CORO2B: variants seen among roughly 807,000 people sequenced by gnomAD.
CORO2B encodes coronin 2B, also known as coronin-2B.
A neutral mutation model predicts 58.8 loss-of-function variants in CORO2B; 26 were observed. The observed-to-expected ratio is 0.44, with a 90% CI of 0.32 to 0.61. The LOEUF (loss-of-function observed/expected upper bound fraction) is 0.61. Among genes scored for constraint, CORO2B ranks in the 20% least tolerant of loss-of-function variants. The probability of loss-of-function intolerance (pLI) is 0.04; values close to 1 mark genes in which losing one functional copy is unlikely to be tolerated. For synonymous variants in CORO2B, 242 were observed against 253.8 expected, an observed-to-expected ratio of 0.95 and a Z score of 0.44; for missense variants, 460 against 645.1, an observed-to-expected ratio of 0.71 and a Z score of 3.11.
intron 3 of CORO2B, among the ~76,000 whole-genome samples, chr15:68,708,132 C>G (rs1892824969): frequency 6.6e-6 from 1 of 152,104 alleles, no homozygotes; most frequent in South Asian, 2.1e-4. Flanking sequence ...AAGGGTGACC[C>G]CAAACCCTTG....
intron 1 of CORO2B, among the ~76,000 whole-genome samples, chr15:68,600,562 AC>A (rs1231809328): frequency 1.3e-5 from 2 of 151,826 alleles, no homozygotes. Context: ...ACTCCGTCCC[AC>A]CCCCGGACCC....
At chr15:68,640,473 G>C (rs1430521969) in intron 1 of CORO2B, among the ~76,000 whole-genome samples, 1 of 151,032 alleles carries the variant, frequency 6.6e-6, no homozygotes, top group Non-Finnish European at 1.5e-5. Flanking sequence ...TAAGATGACT[G>C]ACAACTGACC....
chr15:68,717,015 C>T (rs1893047165), intron 8 of CORO2B, among the ~76,000 whole-genome samples: 2 of 152,102 alleles, frequency 1.3e-5, no homozygotes, highest in African/African-American at 4.8e-5. Flanking sequence ...GTTAAGATTG[C>T]TCTGGCAGCC....
intron 2 of CORO2B, among the ~76,000 whole-genome samples, chr15:68,684,199 C>T (rs1902884497): frequency 6.6e-6 from 1 of 152,120 alleles, no homozygotes; most frequent in African/African-American, 2.4e-5. Flanking sequence ...TAGAAGTCTG[C>T]CTGAGAGTCT....
At chr15:68,724,040 A>G (rs973084856) in intron 11 of CORO2B, among the ~76,000 whole-genome samples, 8 of 151,990 alleles carry the variant, frequency 5.3e-5, no homozygotes, top group Admixed American at 3.3e-4. Flanking sequence ...CGTCTCTACT[A>G]AAAATACAAA....
At chr15:68,615,275 T>A (rs1320765154) in intron 1 of CORO2B, among the ~76,000 whole-genome samples, 2 of 152,182 alleles carry the variant, frequency 1.3e-5, no homozygotes, top group Non-Finnish European at 2.9e-5. Context: ...GAGACAGGAC[T>A]AATGTCATCC....
At chr15:68,719,083 A>G in intron 9 of CORO2B, 61 bp from the exon 10 acceptor site, 1 of 1,313,262 alleles carries the variant, frequency 7.6e-7, no homozygotes, top group Non-Finnish European at 1.1e-6. Context: ...AGTCTGACTG[A>G]AGAGTAGGGG....
At chr15:68,685,306 G>A (rs571610160) in intron 2 of CORO2B, among the ~76,000 whole-genome samples, 3 of 152,258 alleles carry the variant, frequency 2.0e-5, no homozygotes, top group East Asian at 1.9e-4. Context: ...CTCCTCCTGG[G>A]TTCAAGCCAT....
At chr15:68,714,111 G>A in intron 6 of CORO2B, 70 bp downstream of exon 6, 1 of 994,896 alleles carries the variant, frequency 1.0e-6, no homozygotes, top group South Asian at 1.4e-5. Flanking sequence ...CACTTCCTCA[G>A]AAAGTCAGGA....
the CORO2B span, among the ~76,000 whole-genome samples, chr15:68,545,610 G>C: frequency 5.7e-4 from 63 of 110,152 alleles, 1 homozygote; most frequent in African/African-American, 1.7e-3. Flanking sequence ...GAATGCGGGG[G>C]GCGGGGGGGG....
At chr15:68,590,572 G>A (rs1899679206) in intron 1 of CORO2B, among the ~76,000 whole-genome samples, 1 of 152,140 alleles carries the variant, frequency 6.6e-6, no homozygotes, top group Non-Finnish European at 1.5e-5. Flanking sequence ...GATGGCTGAG[G>A]GTGCTGCGGG....
At chr15:68,666,369 T>C (rs537591053) in intron 2 of CORO2B, among the ~76,000 whole-genome samples, 62 of 152,114 alleles carry the variant, frequency 4.1e-4, no homozygotes, top group African/African-American at 1.2e-3. Context: ...ATTTAGGACA[T>C]AAGGTGGGTA....
At chr15:68,622,685 A>G (rs1370555702) in intron 1 of CORO2B, among the ~76,000 whole-genome samples, 1 of 152,174 alleles carries the variant, frequency 6.6e-6, no homozygotes, top group Non-Finnish European at 1.5e-5. Context: ...TCATTCATTC[A>G]TAGATATTTG....
In CORO2B at chr15:68,710,249, T is replaced by C. The variant is rs925991960; in HGVS notation, c.334-483T>C. 2.6e-5 allele frequency among the ~76,000 whole-genome samples: 4 copies of C among 152,178 alleles called. No homozygotes were observed. The highest frequency in any genetic ancestry group is 7.2e-5 in the African/African-American group (3 of 41,442). ...ACCTGGGGCCCCTCAGCCTCCCAGA[T>C]GCAGTTCCCCCTGCCCAGGGGTCCA... On this transcript the variant is annotated intron_variant, in intron 3 of 11. Transcript: ENST00000261861. The surrounding 1 kb of genome is among the most constrained non-coding windows in gnomAD (Gnocchi z 4.1).
the CORO2B span, among the ~76,000 whole-genome samples, chr15:68,570,268 G>T: frequency 6.6e-6 from 1 of 152,162 alleles, no homozygotes; most frequent in Non-Finnish European, 1.5e-5. Flanking sequence ...TGGGATCCTC[G>T]GAAGGAGCAA....
Position 68,718,821 on chromosome 15 carries a change from C to T in CORO2B, c.1080+11C>T, listed in dbSNP as rs749203994. On this transcript the variant is annotated intron_variant, in intron 9 of 11. Transcript: ENST00000261861. ...ATCGTGCCCCGGAGGGTAAGTGGGG[C>T]TGGGCTGGGCTCCAGGAGGGGGGCC... 3 of 1,604,822 alleles carry T rather than the reference C, an allele frequency of 1.9e-6. No homozygotes were observed. In the Admixed American group the frequency reaches 5.0e-5, roughly 27 times the overall value.
At chr15:68,579,358 T>C in intron 1 of CORO2B, 81 bp downstream of exon 1, 1 of 1,181,610 alleles carries the variant, frequency 8.5e-7, no homozygotes, top group Non-Finnish European at 1.0e-6. Flanking sequence ...CGCGGGGGTG[T>C]GGGTGTGGGG....
At chr15:68,519,492 C>T in the CORO2B span, among the ~76,000 whole-genome samples, 2 of 152,110 alleles carry the variant, frequency 1.3e-5, no homozygotes, top group African/African-American at 4.8e-5. Flanking sequence ...TGCTATATAA[C>T]CTGTATAAAT....
At chr15:68,593,499 T>C (rs1899753433) in intron 1 of CORO2B, among the ~76,000 whole-genome samples, 2 of 152,180 alleles carry the variant, frequency 1.3e-5, no homozygotes, top group South Asian at 2.1e-4. Context: ...CCTAGACATT[T>C]GCTGAAACAC....
Sources: allele counts gnomAD v4.1 joint callset (sites outside exome capture counted in the v4.1 genomes callset), GRCh38; gene constraint gnomAD v4.1.1; non-coding constraint Gnocchi (gnomAD v3.1); transcripts MANE v1.5; gene names NCBI Gene and HGNC (gene_info 2026-07-23, HGNC 2026-07-21).